Variants in SV2C observed in about 807,000 individuals in gnomAD.
SV2C encodes the protein solute carrier family 22 member B3.
A neutral mutation model predicts 79.7 loss-of-function variants in SV2C; 49 were observed. The ratio of observed to expected loss-of-function variants is 0.61; its 90% CI spans 0.49 to 0.78. SV2C has a LOEUF of 0.78. Ranked by LOEUF, SV2C falls within the 30% of genes least tolerant of loss-of-function variation. SV2C has a pLI of 0.00. For synonymous variants in SV2C, 334 were observed against 333.2 expected (o/e 1.00, Z -0.03); for missense variants, 833 against 912.9 (o/e 0.91, Z 1.13).
intron 2 of SV2C, among the ~76,000 whole-genome samples, chr5:76,154,509 C>A (rs1365256493): frequency 2.6e-5 from 4 of 152,302 alleles, no homozygotes; most frequent in African/African-American, 9.6e-5. Context: ...CAGCATCTGT[C>A]TCAGAGCTCA....
chr5:76,173,915 A>G, intron 2 of SV2C: 9 of 1,590,520 alleles, frequency 5.7e-6, no homozygotes, highest in Non-Finnish European at 7.8e-6. Context: ...TAAATCGTTA[A>G]ATGTGGACTG....
the SV2C span, among the ~76,000 whole-genome samples, chr5:75,934,288 TTTTTTCTTTCTTTC>T: frequency 7.3e-5 from 10 of 137,606 alleles, no homozygotes; most frequent in East Asian, 2.1e-3. Context: ...TGTTGTTTCT[TTTTTTCTTTCTTTC>T]TTTTTTTTTT....
chr5:75,956,115 TATTC>T, the SV2C span, among the ~76,000 whole-genome samples: 1 of 143,146 alleles, frequency 7.0e-6, no homozygotes, highest in African/African-American at 2.6e-5. Context: ...ATTGCGGCAT[TATTC>T]ACAATAGCAA....
rs534416477 is a variant in SV2C, at chr5:76,167,356, TG to T, written c.581-27562del. On this transcript the variant is annotated intron_variant, in intron 2 of 12. Transcript: ENST00000502798. Reference sequence around the variant, plus strand: ...GTCCCTTTTAGCTCTGTATTTTCCTTGTCTTTGTGTCTTGATAGCCTTGAAC... The same window carrying T: ...GTCCCTTTTAGCTCTGTATTTTCCTTTCTTTGTGTCTTGATAGCCTTGAAC... Among the ~76,000 whole-genome samples the T allele has an allele frequency of 6.4e-4, 97 of 152,352 alleles. No individual in the cohort carries two copies. In the South Asian group the frequency reaches 0.019, roughly 30 times the overall value.
chr5:76,352,552 C>A (rs1286561879), intron 12 of SV2C, among the ~76,000 whole-genome samples: 1 of 152,204 alleles, frequency 6.6e-6, no homozygotes, highest in African/African-American at 2.4e-5. Flanking sequence ...CTTCTTTCCA[C>A]CATGAAATGA....
At chr5:76,252,255 G>A (rs941734263) in intron 4 of SV2C, among the ~76,000 whole-genome samples, 22 of 152,132 alleles carry the variant, frequency 1.4e-4, no homozygotes, top group Non-Finnish European at 2.2e-4. Context: ...AAGTAGCTGG[G>A]ACTACAGGCT....
the SV2C span, chr5:75,910,272 T>TA: frequency 0.02 from 9,466 of 485,144 alleles, 317 homozygotes; most frequent in African/African-American, 0.098. Context: ...CTACAAAAAA[T>TA]AAAAAATTAG....
chr5:76,038,806 A>G, the SV2C span, among the ~76,000 whole-genome samples: 192 of 152,372 alleles, frequency 1.3e-3, no homozygotes, highest in African/African-American at 4.4e-3. Flanking sequence ...CTGAGAAAAC[A>G]TCAATCATTG....
chr5:75,970,798 G>A, the SV2C span, among the ~76,000 whole-genome samples: 1 of 152,080 alleles, frequency 6.6e-6, no homozygotes, highest in South Asian at 2.1e-4. Flanking sequence ...AATAGAAAAA[G>A]AGGGAATCCT....
the SV2C span, among the ~76,000 whole-genome samples, chr5:75,949,919 G>A: frequency 6.6e-6 from 1 of 152,028 alleles, no homozygotes; most frequent in South Asian, 2.1e-4. Context: ...GATTTCTTGA[G>A]GGATTGGATA....
At chr5:76,353,131 C>T (rs749546381) in exon 13 of SV2C, 8 of 453,434 alleles carry the variant, frequency 1.8e-5, no homozygotes, top group East Asian at 6.9e-5. Flanking sequence ...TTTTTGTAGA[C>T]GCAGAGTCTT....
intron 4 of SV2C, among the ~76,000 whole-genome samples, chr5:76,226,390 G>A (rs970758159): frequency 6.6e-6 from 1 of 152,174 alleles, no homozygotes; most frequent in Non-Finnish European, 1.5e-5. Context: ...CAGCTACTGA[G>A]CTGCAGCAGA....
the SV2C span, among the ~76,000 whole-genome samples, chr5:76,035,142 T>C: frequency 7.5e-3 from 1,142 of 152,308 alleles, 19 homozygotes; most frequent in African/African-American, 0.026. Flanking sequence ...CTCTTTTTTT[T>C]TCTTTATAAG....
chr5:75,983,852 AG>A, the SV2C span, among the ~76,000 whole-genome samples: 1 of 152,102 alleles, frequency 6.6e-6, no homozygotes, highest in African/African-American at 2.4e-5. Flanking sequence ...AGGACTGAAA[AG>A]CACTTGTCCT....
At chr5:76,324,081 C>A (rs768055055) in intron 12 of SV2C, among the ~76,000 whole-genome samples, 6 of 152,114 alleles carry the variant, frequency 3.9e-5, no homozygotes, top group African/African-American at 1.2e-4. Context: ...TAGGGAGTAA[C>A]AAATCTAAGT....
chr5:76,212,357 T>G (rs1744790391), intron 4 of SV2C, among the ~76,000 whole-genome samples: 1 of 152,176 alleles, frequency 6.6e-6, no homozygotes, highest in Non-Finnish European at 1.5e-5. Context: ...TCCAGGTAGG[T>G]AGCCAGAAGT....
At chr5:76,078,497 T>C (rs73130205), upstream of SV2C, among the ~76,000 whole-genome samples, 14,298 of 152,124 alleles carry the variant, frequency 0.094, 2,240 homozygotes, top group African/African-American at 0.33. Flanking sequence ...GGGCTTCTTG[T>C]GTTCACTGAT....
chr5:75,994,632 C>A, the SV2C span, among the ~76,000 whole-genome samples: 125,335 of 152,098 alleles, frequency 0.82, 51,956 homozygotes, highest in Middle Eastern at 0.91. Flanking sequence ...TCAATAAATT[C>A]ATTTTAAAGA....
chr5:76,180,424 T>C (rs1165854033), intron 2 of SV2C, among the ~76,000 whole-genome samples: 1 of 152,226 alleles, frequency 6.6e-6, no homozygotes, highest in Admixed American at 6.5e-5. Flanking sequence ...ACTCTTCCAA[T>C]AGCATAAGCC....
Sources: gnomAD v4.1 joint callset for allele counts (sites outside exome capture counted in the v4.1 genomes callset) on GRCh38, gnomAD v4.1.1 for gene constraint, MANE v1.5 for transcripts, NCBI Gene and HGNC (gene_info 2026-07-23, HGNC 2026-07-21) for gene names.